The following TMEM31 variants were observed in gnomAD, a reference collection of about 807,000 sequenced individuals.
TMEM31 encodes transmembrane protein 31.
TMEM31 carries 1 observed loss-of-function variant against 2.4 expected under a neutral mutation model. That is an observed-to-expected ratio of 0.42 (90% confidence interval 0.15 to 1.97). The LOEUF is 1.97. Ranked by LOEUF, TMEM31 falls within the 30% of genes most tolerant of loss-of-function variation. The probability of loss-of-function intolerance (pLI) is 0.30; values close to 1 mark genes in which losing one functional copy is unlikely to be tolerated. For missense variants in TMEM31, 119 were observed against 121.3 expected (o/e 0.98, Z 0.09); for synonymous variants, 47 against 45.8 (o/e 1.03, Z -0.10).
chrX:103,711,758 G>C (rs980108575), intron 1 of TMEM31, among the ~76,000 whole-genome samples: 1 of 111,863 alleles, frequency 8.9e-6, no homozygotes, highest in Non-Finnish European at 1.9e-5. Context: ...AGGAACCTTA[G>C]CAAGGGACAT....
chrX:103,713,477 T>C, intron 2 of TMEM31, 117 bp from the exon 3 acceptor site: 1 of 1,183,559 alleles, frequency 8.4e-7, no homozygotes, highest in Non-Finnish European at 1.1e-6. Context: ...GAGGAAGGAG[T>C]CCAAAGGAGA....
intron 1 of TMEM31, among the ~76,000 whole-genome samples, chrX:103,711,313 T>C (rs1479042942): frequency 9.1e-6 from 1 of 109,705 alleles, no homozygotes; most frequent in African/African-American, 3.3e-5. Flanking sequence ...TGAAACCCTG[T>C]CTCTACTAAA....
At chrX:103,711,273 A>C (rs1422342390) in intron 1 of TMEM31, among the ~76,000 whole-genome samples, 197 bp downstream of exon 1, 1 of 110,608 alleles carries the variant, frequency 9.0e-6, no homozygotes, top group African/African-American at 3.3e-5. Flanking sequence ...TCACGAGGTC[A>C]GGATATCGAG....
intron 1 of TMEM31, 28 bp from the exon 2 acceptor site, chrX:103,712,208 C>T (rs1296057235): frequency 4.5e-6 from 5 of 1,119,273 alleles, no homozygotes; most frequent in South Asian, 2.0e-5. Flanking sequence ...GTTGTCATGA[C>T]GACAAGATTT....
chrX:103,713,382 G>A (rs2074232262), intron 2 of TMEM31: 11 of 698,155 alleles, frequency 1.6e-5, no homozygotes, highest in South Asian at 1.1e-4. Context: ...GAGCCACTGC[G>A]CCCTTATGAA....
At position 103,712,309 on chromosome X, in the gene TMEM31, C is replaced by T; in HGVS notation, c.51C>T (p.Asn17=). 5.0e-6 allele frequency: 6 copies of T among 1,210,254 alleles called. No homozygotes were observed. The Middle Eastern group carries it at 6.9e-4, about 139-fold the overall frequency. The change falls in exon 2 of 3, where the codon AAC becomes AAT. Residue 17 remains asparagine, a synonymous_variant. Coordinates refer to ENST00000319560, the MANE Select transcript of TMEM31 (RefSeq NM_182541.2). ...SEGEQQLKPN[N]SNAPNEDQEE... is the part of the protein sequence containing the mutation. ...GAGAACAACAACTCAAGCCCAACAA[C>T]TCTAATGCACCCAATGAAGATCAAG...
intron 2 of TMEM31, 189 bp from the exon 3 acceptor site, chrX:103,713,405 G>T: frequency 1.2e-6 from 1 of 841,834 alleles, no homozygotes; most frequent in South Asian, 2.5e-5. Flanking sequence ...CAGGGTTTCT[G>T]ATTGCCTATC....
At chrX:103,713,452 G>T in intron 2 of TMEM31, 142 bp from the exon 3 acceptor site, 2 of 1,124,450 alleles carry the variant, frequency 1.8e-6, no homozygotes, top group South Asian at 4.0e-5. Flanking sequence ...TTGGTTTGTG[G>T]GGAGGCGGAG....
At position 103,711,021 on chromosome X, in the gene TMEM31, A is replaced by G. The variant is rs1314736232; in HGVS notation, c.-79A>G. On this transcript the variant is annotated 5_prime_UTR_variant, in exon 1 of 3. Coordinates refer to ENST00000319560, the MANE Select transcript of TMEM31 (RefSeq NM_182541.2). ...TGTTGCTGGGACATCCATACAGGCA[A>G]CTTAGCTGGTGAAAGGACTCTGGAT... The G allele has an allele frequency of 9.0e-6, 1 of 110,796 alleles. No homozygotes were observed. The allele number at this position is 110,796 out of a possible 1,213,427, so 9.1% of individuals were successfully genotyped here.
intron 1 of TMEM31, 142 bp from the exon 2 acceptor site, chrX:103,712,094 T>C: frequency 2.3e-6 from 1 of 440,690 alleles, no homozygotes; most frequent in Non-Finnish European, 3.9e-6. Context: ...TCAGCTTTGC[T>C]CATAATTGGA....
chrX:103,712,534 T>C (rs888275524), intron 2 of TMEM31, among the ~76,000 whole-genome samples, 174 bp downstream of exon 2: 9 of 111,705 alleles, frequency 8.1e-5, no homozygotes, highest in Non-Finnish European at 1.5e-4. Context: ...CAATCTCTTT[T>C]TATTTATTTA....
intron 1 of TMEM31, 103 bp from the exon 2 acceptor site, chrX:103,712,133 A>G: frequency 1.9e-6 from 1 of 522,228 alleles, no homozygotes; most frequent in Non-Finnish European, 3.1e-6. Flanking sequence ...TGGCCCAGGC[A>G]CCTCTGTTGT....
At chrX:103,713,234 G>A (rs1470803794) in intron 2 of TMEM31, among the ~76,000 whole-genome samples, 1 of 111,468 alleles carries the variant, frequency 9.0e-6, no homozygotes, top group Non-Finnish European at 1.9e-5. Flanking sequence ...GGGATTACAG[G>A]CATGCGCTAC....
chrX:103,711,993 T>C (rs2147723629), intron 1 of TMEM31, among the ~76,000 whole-genome samples: 1 of 111,782 alleles, frequency 8.9e-6, no homozygotes, highest in Admixed American at 9.5e-5. Context: ...GCCTCCAGAT[T>C]AGACAGAAAA....
intron 1 of TMEM31, among the ~76,000 whole-genome samples, chrX:103,711,320 T>C (rs927630665): frequency 9.1e-6 from 1 of 109,783 alleles, no homozygotes; most frequent in Admixed American, 9.6e-5. Context: ...CTGTCTCTAC[T>C]AAAAATACAG....
At position 103,712,323 on chromosome X, in the gene TMEM31, A is replaced by T; in HGVS notation, c.65A>T (p.Asn22Ile). 1 of 1,210,070 alleles carries T rather than the reference A, an allele frequency of 8.3e-7. No individual in the cohort carries two copies. Among genetic ancestry groups the T allele is most frequent in the Non-Finnish European group, 1.1e-6 (1 of 894,837 alleles). Residue 22 changes from asparagine (N) to isoleucine (I), a missense_variant, in exon 2 of 3, where the codon AAT (asparagine) becomes ATT (isoleucine). Transcript: ENST00000319560. The part of the protein sequence containing the change: ...QLKPNNSNAP[N>I]EDQEEEIQQS... ...AAGCCCAACAACTCTAATGCACCCA[A>T]TGAAGATCAAGAAGAAGAAATCCAA...
At chrX:103,712,859 G>T (rs1423818404) in intron 2 of TMEM31, among the ~76,000 whole-genome samples, 1 of 111,909 alleles carries the variant, frequency 8.9e-6, no homozygotes, top group Non-Finnish European at 1.9e-5. Context: ...ACTTGGTAAG[G>T]TTCTACTACT....
Position 103,713,584 on chromosome X carries a change from T to C in TMEM31, c.103-10T>C, listed in dbSNP as rs1221824281. 1 of 1,211,738 alleles carries C rather than the reference T, an allele frequency of 8.3e-7. No homozygotes were observed. Among genetic ancestry groups the C allele is most frequent in the Non-Finnish European group, 1.1e-6 (1 of 895,557 alleles). ...TTCTTTATGCTGACGAGAAACAAAA[T>C]TTATGGCAGCATACTCCAGCAAGGC... On this transcript the variant is annotated splice_polypyrimidine_tract_variant and intron_variant, in intron 2 of 2. Coordinates refer to ENST00000319560, the MANE Select transcript of TMEM31 (RefSeq NM_182541.2).
At position 103,713,996 on chromosome X, in the gene TMEM31, T is replaced by A. The variant is rs781275289; in HGVS notation, c.505T>A (p.Ter169ArgextTer9). 1 of 1,177,456 alleles carries A rather than the reference T, an allele frequency of 8.5e-7. No homozygotes were observed. Among genetic ancestry groups the A allele is most frequent in the Non-Finnish European group, 1.1e-6 (1 of 879,474 alleles). ...TATTGTCTTCATTCTGATCTTCTTC[T>A]GATTCTTTTGTTTCAATAAACAGCA... The part of the protein sequence containing the change: ...FIIVFILIFF[*>R] The change falls in exon 3 of 3, where the codon TGA becomes AGA. Residue 169 changes from the stop codon to arginine (R), a stop_lost. Coordinates refer to ENST00000319560, the MANE Select transcript of TMEM31 (RefSeq NM_182541.2).
Sources: allele counts gnomAD v4.1 joint callset (sites outside exome capture counted in the v4.1 genomes callset), GRCh38; gene constraint gnomAD v4.1.1; transcripts MANE v1.5; gene names NCBI Gene and HGNC (gene_info 2026-07-23, HGNC 2026-07-21).